EDA: variants seen among roughly 807,000 people sequenced by gnomAD.
EDA encodes the protein ectodysplasin-A.
In EDA, 2 loss-of-function variants were observed where a neutral mutation model predicts 23.6. That is an observed-to-expected ratio of 0.08 (90% CI 0.03 to 0.27). EDA has a LOEUF of 0.27. Among genes scored for constraint, EDA ranks in the 10% least tolerant of loss-of-function variants. The pLI is 1.00. For missense variants in EDA, 229 were observed against 324.2 expected (o/e 0.71, Z 2.26); for synonymous variants, 131 against 132.0 (o/e 0.99, Z 0.05).
chrX:69,730,353 A>G (rs754164322), intron 1 of EDA, among the ~76,000 whole-genome samples: 65 of 76,392 alleles, frequency 8.5e-4, no homozygotes, highest in Non-Finnish European at 1.3e-3. Context: ...TTCTCAAAGC[A>G]TGAAGGGCCA....
intron 1 of EDA, chrX:69,937,213 C>T (rs1302797679): frequency 3.1e-5 from 32 of 1,047,782 alleles, no homozygotes; most frequent in Non-Finnish European, 2.8e-5. Context: ...CCATTCTGTA[C>T]ATAGGATGAA....
intron 1 of EDA, among the ~76,000 whole-genome samples, chrX:69,877,397 C>T (rs1347212175): frequency 8.9e-6 from 1 of 112,197 alleles, no homozygotes; most frequent in East Asian, 2.8e-4. Flanking sequence ...AAATTATTAT[C>T]TCAGACATCC....
chrX:69,998,132 C>T (rs1448596758), intron 2 of EDA, among the ~76,000 whole-genome samples: 2 of 111,859 alleles, frequency 1.8e-5, no homozygotes, highest in South Asian at 3.8e-4. Context: ...TTGCACCATG[C>T]ACCTGGAAAA....
rs748569131 is a variant in EDA at position 69,708,641 on chromosome X, TG to T, written c.396+91938del. 6.3e-5 allele frequency among the ~76,000 whole-genome samples: 7 copies of T among 111,478 alleles called. No homozygotes were observed. In the East Asian group the frequency reaches 1.4e-3, roughly 22 times the overall value. On this transcript the variant is annotated intron_variant, in intron 1 of 7. Transcript: ENST00000374552. ...ATTTGTAATTTGGTATTATTGTTCT[TG>T]AAGAAAATTCTGCAACTCATATATT...
At chrX:69,948,747 T>C (rs916430811) in intron 1 of EDA, among the ~76,000 whole-genome samples, 1 of 112,492 alleles carries the variant, frequency 8.9e-6, no homozygotes, top group Non-Finnish European at 1.9e-5. Context: ...AAAGATAGAT[T>C]CTAGTTCAGT....
chrX:70,015,843 C>T (rs910350354), intron 2 of EDA, among the ~76,000 whole-genome samples: 14 of 111,308 alleles, frequency 1.3e-4, no homozygotes, highest in Admixed American at 5.7e-4. Flanking sequence ...GCTAACAACA[C>T]AATGACAAGA....
At chrX:69,866,185 T>A (rs2017482493) in intron 1 of EDA, among the ~76,000 whole-genome samples, 1 of 111,547 alleles carries the variant, frequency 9.0e-6, no homozygotes, top group Admixed American at 9.5e-5. Flanking sequence ...CTGCCTGGAT[T>A]GGGCTGTTGT....
chrX:69,857,214 C>T (rs990590447), intron 1 of EDA, among the ~76,000 whole-genome samples: 1 of 111,887 alleles, frequency 8.9e-6, no homozygotes, highest in Non-Finnish European at 1.9e-5. Flanking sequence ...GTTCTCTATT[C>T]TGTTCCATTA....
intron 6 of EDA, 101 bp downstream of exon 6, chrX:70,030,621 G>A (rs1015564721): frequency 1.3e-5 from 10 of 768,435 alleles, no homozygotes; most frequent in Non-Finnish European, 1.9e-5. Flanking sequence ...AGGCCGCTGA[G>A]GTACCGTTGG....
intron 1 of EDA, among the ~76,000 whole-genome samples, chrX:69,786,640 A>C (rs1447668160): frequency 4.6e-5 from 5 of 109,231 alleles, no homozygotes; most frequent in African/African-American, 1.7e-4. Context: ...GTTTGATTGC[A>C]CTGTGGTCTG....
intron 1 of EDA, among the ~76,000 whole-genome samples, chrX:69,724,676 G>T (rs1283407229): frequency 8.9e-6 from 1 of 111,910 alleles, no homozygotes; most frequent in Non-Finnish European, 1.9e-5. Context: ...AGGTATCTTT[G>T]TGGGATGGTT....
intron 1 of EDA, among the ~76,000 whole-genome samples, chrX:69,776,082 A>G (rs1397601492): frequency 8.9e-6 from 1 of 111,932 alleles, no homozygotes; most frequent in Non-Finnish European, 1.9e-5. Context: ...CTTATAATGT[A>G]TTAATGGTAG....
intron 1 of EDA, among the ~76,000 whole-genome samples, chrX:69,804,465 ATAT>A (rs777335226): frequency 1.4e-4 from 16 of 111,241 alleles, no homozygotes; most frequent in Admixed American, 2.9e-4. Context: ...CATCTATGAA[ATAT>A]TATTATAGGA....
At chrX:69,786,011 T>A (rs1183756488) in intron 1 of EDA, among the ~76,000 whole-genome samples, 1 of 110,141 alleles carries the variant, frequency 9.1e-6, no homozygotes, top group East Asian at 2.8e-4. Flanking sequence ...CTCTTCCTGG[T>A]TTAGTCTTGA....
At chrX:69,716,004 T>G (rs147509944) in intron 1 of EDA, among the ~76,000 whole-genome samples, 1 of 112,194 alleles carries the variant, frequency 8.9e-6, no homozygotes, top group East Asian at 2.8e-4. Flanking sequence ...TACACATATT[T>G]TCTCCTATTC....
intron 1 of EDA, among the ~76,000 whole-genome samples, chrX:69,768,480 G>A (rs947820844): frequency 3.6e-5 from 4 of 110,635 alleles, no homozygotes; most frequent in East Asian, 2.8e-4. Flanking sequence ...GTATTGCATT[G>A]ACATCTTTAT....
At chrX:69,726,061 T>G (rs187441546) in intron 1 of EDA, among the ~76,000 whole-genome samples, 2 of 112,003 alleles carry the variant, frequency 1.8e-5, no homozygotes, top group African/African-American at 6.5e-5. Context: ...AAAAGTGAAG[T>G]TCAGCTATAT....
chrX:70,009,847 G>A (rs916273020), intron 2 of EDA, among the ~76,000 whole-genome samples: 6 of 111,659 alleles, frequency 5.4e-5, no homozygotes, highest in Admixed American at 9.5e-5. Flanking sequence ...TCAGCTTCCC[G>A]AAGTGCTACG....
chrX:69,777,872 G>T (rs1234055896), intron 1 of EDA, among the ~76,000 whole-genome samples: 1 of 112,038 alleles, frequency 8.9e-6, no homozygotes, highest in Admixed American at 9.5e-5. Flanking sequence ...AAATGCATGT[G>T]GATGTTGAAT....
Sources: allele counts gnomAD v4.1 joint callset (sites outside exome capture counted in the v4.1 genomes callset), GRCh38; gene constraint gnomAD v4.1.1; transcripts MANE v1.5; gene names NCBI Gene and HGNC (gene_info 2026-07-23, HGNC 2026-07-21).